Variants in MYLIP observed in about 807,000 individuals in gnomAD.
The protein encoded by MYLIP is E3 ubiquitin-protein ligase MYLIP.
Under a neutral mutation model 45.8 loss-of-function variants are expected in MYLIP, and 26 were observed. The observed-to-expected ratio is 0.57, with a 90% CI of 0.42 to 0.79. MYLIP has a LOEUF of 0.79. Ranked by LOEUF, MYLIP falls within the 30% of genes least tolerant of loss-of-function variation. The pLI is 0.00. For synonymous variants in MYLIP, 213 were observed against 218.1 expected (o/e 0.98, Z 0.21); for missense variants, 494 against 555.6 (o/e 0.89, Z 1.11).
chr6:16,130,560 T>C lies in MYLIP; in HGVS notation c.91T>C (p.Cys31Arg). The change falls in exon 2 of 7, where the codon TGC becomes CGC. Residue 31 changes from cysteine to arginine, a missense_variant. By Grantham distance (180) the Cys-to-Arg change is radical (BLOSUM62 -3). Coordinates refer to ENST00000356840, the MANE Select transcript of MYLIP (RefSeq NM_013262.4). ...ANGEDCLNQVCRRLGIIEVDY... is the reference protein window; with the variant it reads ...ANGEDCLNQVRRRLGIIEVDY... ...GCTGCATTCCTTTTTGTTTTAGGTG[T>C]GCAGGCGACTGGGAATCATAGAAGT... 2 of 1,614,010 alleles carry C rather than the reference T, an allele frequency of 1.2e-6. No individual in the cohort carries two copies. Among genetic ancestry groups the C allele is most frequent in the Non-Finnish European group, 1.7e-6 (2 of 1,179,896 alleles).
At chr6:16,136,733 C>G (rs1035499701) in intron 2 of MYLIP, among the ~76,000 whole-genome samples, 3 of 152,210 alleles carry the variant, frequency 2.0e-5, no homozygotes, top group Non-Finnish European at 4.4e-5. Flanking sequence ...CCTCCACATC[C>G]CTGCCAGCTT....
At position 16,141,775 on chromosome 6, in the gene MYLIP, C is replaced by A; in HGVS notation, c.429C>A (p.Leu143=). ...CTGCCAAGTATAACTATGAGGAGCT[C>A]TGTGCCAAGGAGCTCTCCTCTGCCA... ...QNTAKYNYEE[L]CAKELSSATL... Residue 143 remains leucine, a synonymous_variant, in exon 3 of 7, where the codon CTC becomes CTA. Transcript: ENST00000356840. The A allele has an allele frequency of 6.2e-7, 1 of 1,613,828 alleles. No individual in the cohort carries two copies. Among genetic ancestry groups the A allele is most frequent in the Non-Finnish European group, 8.5e-7 (1 of 1,179,782 alleles).
In MYLIP at chr6:16,143,837, G is replaced by GATA; in HGVS notation, c.803_805dup (p.Ile268dup). On this transcript the variant is annotated inframe_insertion, in exon 5 of 7. Coordinates refer to ENST00000356840, the MANE Select transcript of MYLIP (RefSeq NM_013262.4). ...GGGCGGCCAGCGGGCTCTACCGAGC[G>GATA]ATAACAGAGACGCACGCATTCTACA... is the stretch of plus-strand genomic sequence containing the variant. The GATA allele has an allele frequency of 8.1e-6, 13 of 1,613,150 alleles. No individual in the cohort carries two copies. Among genetic ancestry groups the GATA allele is most frequent in the Non-Finnish European group, 1.0e-5 (12 of 1,179,840 alleles).
downstream of MYLIP, among the ~76,000 whole-genome samples, chr6:16,151,451 G>A (rs530839971): frequency 7.3e-4 from 111 of 152,298 alleles, no homozygotes; most frequent in Non-Finnish European, 1.4e-3. Context: ...ATATTTGTGT[G>A]TTTGGAGAGC....
chr6:16,151,601 T>A (rs1330345858), downstream of MYLIP, among the ~76,000 whole-genome samples: 1 of 152,208 alleles, frequency 6.6e-6, no homozygotes, highest in Non-Finnish European at 1.5e-5. Context: ...CTTTTCACAT[T>A]TAGTGTCTTC....
chr6:16,134,371 T>A (rs9349995), intron 2 of MYLIP, among the ~76,000 whole-genome samples: 30,887 of 152,170 alleles, frequency 0.2, 3,250 homozygotes, highest in East Asian at 0.28. Context: ...GTTGAGAGTA[T>A]CTAAAAGAAA....
chr6:16,145,551 G>T lies in MYLIP; in HGVS notation c.1248+234G>T, dbSNP rs116530625. On this transcript the variant is annotated intron_variant, in intron 6 of 6. Transcript: ENST00000356840. ...AAATTATGCAGTGTTTTCAAGTTCTGAAAATGAGGCTGAGATTCCTGGGTA... is the reference window on the plus strand; with the variant it reads ...AAATTATGCAGTGTTTTCAAGTTCTTAAAATGAGGCTGAGATTCCTGGGTA... 3.3e-3 allele frequency among the ~76,000 whole-genome samples: 497 copies of T among 152,252 alleles called. 1 individual carries two copies. Among genetic ancestry groups the T allele is most frequent in the African/African-American group, 0.011 (470 of 41,544 alleles).
chr6:16,161,280 C>A, the MYLIP span: 1 of 373,220 alleles, frequency 2.7e-6, no homozygotes, highest in South Asian at 2.3e-5. Context: ...GCCTTCATGC[C>A]AAGCCTGCTG....
chr6:16,132,136 C>G (rs1268919364), intron 2 of MYLIP, among the ~76,000 whole-genome samples: 2 of 152,162 alleles, frequency 1.3e-5, no homozygotes, highest in African/African-American at 4.8e-5. Flanking sequence ...TAGATGCAAC[C>G]CAGTTTTGAT....
chr6:16,162,785 T>TTAAAAAA, the MYLIP span, among the ~76,000 whole-genome samples: 1 of 69,618 alleles, frequency 1.4e-5, no homozygotes, highest in South Asian at 4.6e-4. Flanking sequence ...ACCTCAACTC[T>TTAAAAAA]AAAAAAAAAA....
At chr6:16,134,214 A>C (rs1467967171) in intron 2 of MYLIP, among the ~76,000 whole-genome samples, 1 of 152,248 alleles carries the variant, frequency 6.6e-6, no homozygotes, top group African/African-American at 2.4e-5. Flanking sequence ...GTATCCCCAG[A>C]GTCTAATAAG....
chr6:16,144,007 T>A, intron 5 of MYLIP, 144 bp downstream of exon 5: 1 of 965,216 alleles, frequency 1.0e-6, no homozygotes, highest in Non-Finnish European at 1.5e-6. Flanking sequence ...GTTTCCGTAG[T>A]AGCAGTGGAG....
In MYLIP at chr6:16,147,937, A is replaced by G. The variant is rs532257839; in HGVS notation, c.*1186A>G. On this transcript the variant is annotated 3_prime_UTR_variant, in exon 7 of 7. Coordinates refer to ENST00000356840, the MANE Select transcript of MYLIP (RefSeq NM_013262.4). ...TCTGGGATGTCGGGAGACCTAGATG[A>G]CCTTATCGGGTGCAATACTAGCTAA... The G allele has an allele frequency of 5.9e-5, 9 of 152,276 alleles. No homozygotes were observed. The highest frequency in any genetic ancestry group is 1.2e-4 in the Non-Finnish European group (8 of 67,990). 9.4% of individuals were successfully genotyped at this position (152,276 alleles called of 1,614,324 possible).
At chr6:16,142,974 G>A in intron 3 of MYLIP, 46 bp from the exon 4 acceptor site, 1 of 1,561,362 alleles carries the variant, frequency 6.4e-7, no homozygotes, top group Non-Finnish European at 8.7e-7. Context: ...TATCTCTAAA[G>A]CTAATATCTG....
intron 2 of MYLIP, among the ~76,000 whole-genome samples, chr6:16,139,383 A>G (rs1748063210): frequency 6.6e-6 from 1 of 150,802 alleles, no homozygotes; most frequent in East Asian, 1.9e-4. Context: ...GCAAGACTCC[A>G]TCTCAAAAAA....
intron 2 of MYLIP, among the ~76,000 whole-genome samples, chr6:16,139,121 A>G (rs1004851380): frequency 6.6e-6 from 1 of 152,228 alleles, no homozygotes; most frequent in Non-Finnish European, 1.5e-5. Context: ...CACCTGAAAA[A>G]TAAGTTAAAA....
intron 2 of MYLIP, among the ~76,000 whole-genome samples, 193 bp downstream of exon 2, chr6:16,130,940 A>G (rs920628900): frequency 2.7e-5 from 4 of 148,978 alleles, no homozygotes; most frequent in Non-Finnish European, 5.9e-5. Context: ...GCATTTTCCA[A>G]TCCTTCTTTT....
At chr6:16,150,171 G>T (rs1024801612), downstream of MYLIP, among the ~76,000 whole-genome samples, 1 of 152,132 alleles carries the variant, frequency 6.6e-6, no homozygotes, top group African/African-American at 2.4e-5. Context: ...AGACTATGAA[G>T]GTATTTGAGA....
Position 16,129,877 on chromosome 6 carries a change from T to C in MYLIP, c.87+468T>C, listed in dbSNP as rs1276719096. Among the ~76,000 whole-genome samples the C allele has an allele frequency of 6.6e-6, 1 of 152,192 alleles. No homozygotes were observed. The highest frequency in any genetic ancestry group is 1.5e-5 in the Non-Finnish European group (1 of 68,024). ...AAGCCGGGCCCTTGTCTCACGCTGC[T>C]TCTCAGGCTGCTGCTCTCAAATGCA... On this transcript the variant is annotated intron_variant, in intron 1 of 6. Coordinates refer to ENST00000356840, the MANE Select transcript of MYLIP (RefSeq NM_013262.4). The surrounding 1 kb of genome is among the most constrained non-coding windows in gnomAD (Gnocchi z 5.1).
Sources: allele counts gnomAD v4.1 joint callset (sites outside exome capture counted in the v4.1 genomes callset), GRCh38; gene constraint gnomAD v4.1.1; non-coding constraint Gnocchi (gnomAD v3.1); transcripts MANE v1.5; gene names NCBI Gene and HGNC (gene_info 2026-07-23, HGNC 2026-07-21).